The following PUDP variants were observed in gnomAD, a reference collection of about 807,000 sequenced individuals.
The protein encoded by PUDP is pseudouridine 5'-phosphatase.
Under a neutral mutation model 9.4 loss-of-function variants are expected in PUDP, and 8 were observed. The observed-to-expected ratio is 0.85, with a 90% CI of 0.50 to 1.53. PUDP has a LOEUF of 1.53. PUDP is among the 40% of genes most tolerant of loss of function. PUDP has a pLI of 0.00. For synonymous variants in PUDP, 99 were observed against 80.7 expected (o/e 1.23, Z -1.22); for missense variants, 188 against 189.7 (o/e 0.99, Z 0.05).
At chrX:6,795,222 C>A (rs188083210) in intron 3 of PUDP, among the ~76,000 whole-genome samples, 13 of 111,288 alleles carry the variant, frequency 1.2e-4, no homozygotes, top group African/African-American at 3.9e-4. Context: ...TGACGTGGCT[C>A]ATGACTGTAA....
At chrX:7,147,940 C>G in intron 1 of PUDP, 113 bp downstream of exon 1, 4 of 608,187 alleles carry the variant, frequency 6.6e-6, no homozygotes, top group Non-Finnish European at 1.0e-5. Flanking sequence ...CCGAGCGTCC[C>G]TGCATGAACA....
intron 1 of PUDP, among the ~76,000 whole-genome samples, chrX:7,117,715 A>T (rs1932234991): frequency 8.8e-6 from 1 of 113,220 alleles, no homozygotes; most frequent in Admixed American, 9.3e-5. Flanking sequence ...AGAAATTTGC[A>T]TATCTAAAAA....
chrX:6,959,492 C>G (rs73629016), intron 3 of PUDP, among the ~76,000 whole-genome samples: 3 of 112,343 alleles, frequency 2.7e-5, no homozygotes, highest in Admixed American at 9.4e-5. Context: ...TGAATGCAAG[C>G]GCTGTGCAGG....
At chrX:6,981,099 A>C (rs1929026400) in intron 1 of PUDP, among the ~76,000 whole-genome samples, 1 of 112,219 alleles carries the variant, frequency 8.9e-6, no homozygotes, top group South Asian at 3.7e-4. Context: ...AATTGGATTG[A>C]AGCTGAGCTT....
chrX:6,752,101 G>A (rs977331974), intron 3 of PUDP, among the ~76,000 whole-genome samples: 5 of 111,005 alleles, frequency 4.5e-5, no homozygotes, highest in Non-Finnish European at 9.4e-5. Flanking sequence ...TACACCCAGG[G>A]GACTATAAAT....
At chrX:6,832,398 G>A (rs934432727) in intron 3 of PUDP, among the ~76,000 whole-genome samples, 1 of 112,288 alleles carries the variant, frequency 8.9e-6, no homozygotes, top group Non-Finnish European at 1.9e-5. Context: ...GGACAAGGTT[G>A]GGGACAGTTC....
At chrX:6,976,928 C>G (rs954447955) in intron 3 of PUDP, among the ~76,000 whole-genome samples, 1 of 112,068 alleles carries the variant, frequency 8.9e-6, no homozygotes, top group African/African-American at 3.2e-5. Context: ...ATTAGCCACT[C>G]AAGAGGCATT....
intron 1 of PUDP, among the ~76,000 whole-genome samples, chrX:7,145,743 C>G (rs1214218762): frequency 2.7e-5 from 3 of 111,310 alleles, no homozygotes; most frequent in African/African-American, 9.8e-5. Flanking sequence ...ATCTTCTCCT[C>G]TAATGTTAAC....
At chrX:7,042,938 T>TTCC (rs1929941513) in intron 1 of PUDP, among the ~76,000 whole-genome samples, 1 of 111,742 alleles carries the variant, frequency 8.9e-6, no homozygotes, top group Non-Finnish European at 1.9e-5. Flanking sequence ...ATATTACAAG[T>TTCC]TCCACGGGGG....
chrX:6,951,775 G>C (rs1443579655), intron 3 of PUDP, among the ~76,000 whole-genome samples: 4 of 111,958 alleles, frequency 3.6e-5, no homozygotes, highest in African/African-American at 1.3e-4. Flanking sequence ...TGCCTTCCTT[G>C]GTTGCAGAAC....
chrX:6,970,554 T>G (rs753994634), intron 3 of PUDP, among the ~76,000 whole-genome samples: 7 of 111,440 alleles, frequency 6.3e-5, no homozygotes, highest in Non-Finnish European at 1.3e-4. Flanking sequence ...ATTGAGCCCC[T>G]TTGCATTCAT....
At chrX:6,890,184 A>T (rs1013216144) in intron 3 of PUDP, among the ~76,000 whole-genome samples, 3 of 111,860 alleles carry the variant, frequency 2.7e-5, no homozygotes, top group African/African-American at 9.8e-5. Context: ...GTGGCAGACC[A>T]AGTATGCATC....
intron 3 of PUDP, among the ~76,000 whole-genome samples, chrX:6,949,541 G>C (rs1254982373): frequency 2.7e-5 from 3 of 111,539 alleles, no homozygotes; most frequent in Admixed American, 9.5e-5. Context: ...ATCAGTTAAG[G>C]CTCATCTCTC....
At position 6,837,189 on chromosome X, in the gene PUDP, G is replaced by A. The variant is rs768380891; in HGVS notation, c.*248-130723C>T. ...ATTTAAGGCTTCCTAAAAGGTTGCCGTGACGATCCTCCCTGTCTTTGAGTA... is the reference window on the plus strand; with the variant it reads ...ATTTAAGGCTTCCTAAAAGGTTGCCATGACGATCCTCCCTGTCTTTGAGTA... On this transcript the variant is annotated intron_variant and NMD_transcript_variant, in intron 3 of 3. Transcript: ENST00000655425. Among the ~76,000 whole-genome samples, 17 of 112,396 alleles carry A rather than the reference G, an allele frequency of 1.5e-4. No individual in the cohort carries two copies. In the East Asian group the frequency reaches 3.4e-3, roughly 22 times the overall value.
At chrX:6,821,023 A>T (rs1269414831) in intron 3 of PUDP, among the ~76,000 whole-genome samples, 1 of 110,200 alleles carries the variant, frequency 9.1e-6, no homozygotes, top group East Asian at 2.9e-4. Context: ...ATTTCCATTC[A>T]TCTTCTGAAA....
At chrX:6,893,020 T>C (rs1927538153) in intron 3 of PUDP, among the ~76,000 whole-genome samples, 1 of 112,295 alleles carries the variant, frequency 8.9e-6, no homozygotes, top group African/African-American at 3.2e-5. Flanking sequence ...AAGTTTTTAA[T>C]TTTTGCTATG....
chrX:7,111,971 C>T (rs1211569351), intron 1 of PUDP, among the ~76,000 whole-genome samples: 1 of 105,800 alleles, frequency 9.5e-6, no homozygotes, highest in Admixed American at 1.1e-4. Context: ...ACTAAAGTGC[C>T]TCCTACCAAA....
rs1383063248 is a variant in PUDP at position 6,963,546 on chromosome X, A to T, written c.*247+13587T>A. Among the ~76,000 whole-genome samples the T allele has an allele frequency of 2.7e-5, 3 of 111,842 alleles. No homozygotes were observed. The Admixed American group carries it at 2.9e-4, about 11-fold the overall frequency. On this transcript the variant is annotated intron_variant and NMD_transcript_variant, in intron 3 of 3. Coordinates refer to the PUDP transcript ENST00000655425. ...TGGAGAATTGCTTGGTTTATGGGGG[A>T]AAAACCCACATACATCTGGCATCAG...
At chrX:7,116,974 C>A in intron 1 of PUDP, 1 of 1,167,082 alleles carries the variant, frequency 8.6e-7, no homozygotes, top group Non-Finnish European at 1.1e-6. Context: ...ACCCGTCCAC[C>A]GTGATTGTAA....
Sources: allele counts gnomAD v4.1 joint callset (sites outside exome capture counted in the v4.1 genomes callset), GRCh38; gene constraint gnomAD v4.1.1; transcripts MANE v1.5; gene names NCBI Gene and HGNC (gene_info 2026-07-23, HGNC 2026-07-21).